Variants in SAMMSON observed in about 807,000 individuals in gnomAD.
SAMMSON encodes the protein survival associated mitochondrial melanoma specific oncogenic non-coding RNA.
chr3:70,113,763 C>T (rs2067399002), intron 4 of SAMMSON, among the ~76,000 whole-genome samples: 1 of 152,136 alleles, frequency 6.6e-6, no homozygotes, highest in Non-Finnish European at 1.5e-5. Flanking sequence ...GAGGTGGGAC[C>T]TTTGGGAAAT....
At chr3:70,366,588 A>G (rs891023181) in intron 9 of SAMMSON, among the ~76,000 whole-genome samples, 5 of 148,242 alleles carry the variant, frequency 3.4e-5, no homozygotes, top group Non-Finnish European at 7.5e-5. Flanking sequence ...TAATTCTCCA[A>G]TGAAGGACAT....
intron 4 of SAMMSON, among the ~76,000 whole-genome samples, chr3:70,135,168 G>GT (rs1559521031): frequency 1.3e-5 from 2 of 151,960 alleles, no homozygotes; most frequent in Non-Finnish European, 2.9e-5. Flanking sequence ...GGTCTTATTG[G>GT]TTTTTTCTCA....
At chr3:70,303,160 G>C (rs957965531) in intron 7 of SAMMSON, among the ~76,000 whole-genome samples, 1 of 152,204 alleles carries the variant, frequency 6.6e-6, no homozygotes, top group African/African-American at 2.4e-5. Flanking sequence ...GTGGAGAAGA[G>C]CATGGGTCAT....
At chr3:70,427,737 C>CA (rs34837077) in intron 2 of SAMMSON, among the ~76,000 whole-genome samples, 20,957 of 102,682 alleles carry the variant, frequency 0.2, 2,313 homozygotes, top group East Asian at 0.38. Context: ...AACTCCGTCT[C>CA]AAAAAAAAAA....
intron 9 of SAMMSON, among the ~76,000 whole-genome samples, chr3:70,384,642 G>A (rs887560623): frequency 2.6e-5 from 4 of 151,990 alleles, no homozygotes; most frequent in Middle Eastern, 3.2e-3. Context: ...CAGGGGCCCC[G>A]CAACATCTAT....
intron 3 of SAMMSON, among the ~76,000 whole-genome samples, chr3:70,060,527 C>G (rs1428855879): frequency 1.3e-5 from 2 of 152,130 alleles, no homozygotes; most frequent in Non-Finnish European, 2.9e-5. Context: ...GCAAACTTTT[C>G]TGCTATCTAT....
intron 6 of SAMMSON, among the ~76,000 whole-genome samples, chr3:70,266,769 T>C (rs1463196302): frequency 6.6e-6 from 1 of 152,134 alleles, no homozygotes; most frequent in Non-Finnish European, 1.5e-5. Flanking sequence ...TAAAATATAT[T>C]TCTATAGTAT....
intron 9 of SAMMSON, among the ~76,000 whole-genome samples, chr3:70,384,608 A>G (rs1475216112): frequency 6.6e-6 from 1 of 152,096 alleles, no homozygotes; most frequent in Non-Finnish European, 1.5e-5. Flanking sequence ...ATTGGCAAGT[A>G]GAAGCACTTG....
At chr3:70,000,252 G>T (rs1209582864) in intron 1 of SAMMSON, among the ~76,000 whole-genome samples, 1 of 152,154 alleles carries the variant, frequency 6.6e-6, no homozygotes, top group Non-Finnish European at 1.5e-5. Context: ...CCCACAGCCT[G>T]CCTGTCTGTA....
intron 4 of SAMMSON, among the ~76,000 whole-genome samples, chr3:70,239,759 T>G (rs1701648033): frequency 1.3e-5 from 2 of 152,154 alleles, no homozygotes; most frequent in Middle Eastern, 3.2e-3. Flanking sequence ...GGAGATCATA[T>G]CGCCCTATGT....
chr3:70,284,150 A>G (rs192324146), intron 6 of SAMMSON, among the ~76,000 whole-genome samples: 2 of 152,268 alleles, frequency 1.3e-5, no homozygotes, highest in Admixed American at 1.3e-4. Flanking sequence ...CATGAAAGCA[A>G]GAGTCACAGT....
chr3:70,149,388 C>T (rs200923563), intron 4 of SAMMSON, among the ~76,000 whole-genome samples: 1 of 152,032 alleles, frequency 6.6e-6, no homozygotes, highest in Non-Finnish European at 1.5e-5. Context: ...TTAGAACAGT[C>T]CCTAATCATG....
At chr3:70,109,898 T>C (rs1422843808) in intron 4 of SAMMSON, among the ~76,000 whole-genome samples, 1 of 152,242 alleles carries the variant, frequency 6.6e-6, no homozygotes, top group Admixed American at 6.5e-5. Context: ...GTTTAGCAAA[T>C]ATTTATTGTG....
chr3:70,006,044 C>A (rs1290548749), intron 1 of SAMMSON, among the ~76,000 whole-genome samples: 1 of 152,176 alleles, frequency 6.6e-6, no homozygotes, highest in Non-Finnish European at 1.5e-5. Flanking sequence ...GTTGACAGAG[C>A]TGATTTTATC....
At chr3:70,173,032 C>G (rs1397782697) in intron 4 of SAMMSON, 1 of 151,874 alleles carries the variant, frequency 6.6e-6, no homozygotes, top group Non-Finnish European at 1.5e-5. Flanking sequence ...TTCTTTCCTA[C>G]TGAGGATGTT....
At chr3:70,360,214 A>G (rs1193029999) in intron 9 of SAMMSON, among the ~76,000 whole-genome samples, 1 of 152,136 alleles carries the variant, frequency 6.6e-6, no homozygotes, top group African/African-American at 2.4e-5. Context: ...TCCCGCCACC[A>G]TTTTGTTTCA....
At chr3:70,155,662 C>CT (rs1323408836) in intron 4 of SAMMSON, among the ~76,000 whole-genome samples, 1 of 152,014 alleles carries the variant, frequency 6.6e-6, no homozygotes, top group African/African-American at 2.4e-5. Context: ...CTTTCTACCC[C>CT]TTTCTTTCAG....
chr3:70,106,740 C>T (rs1409691202), intron 4 of SAMMSON, among the ~76,000 whole-genome samples: 2 of 152,060 alleles, frequency 1.3e-5, no homozygotes, highest in Non-Finnish European at 2.9e-5. Flanking sequence ...AACTAAGGGG[C>T]GACTCTTAAA....
intron 4 of SAMMSON, among the ~76,000 whole-genome samples, chr3:70,123,897 G>A (rs1055630929): frequency 2.0e-5 from 3 of 152,236 alleles, no homozygotes; most frequent in Non-Finnish European, 4.4e-5. Context: ...ATGAAATGGA[G>A]CCAGCATGTG....
Sources: allele counts gnomAD v4.1 joint callset (sites outside exome capture counted in the v4.1 genomes callset), GRCh38; gene constraint gnomAD v4.1.1; transcripts MANE v1.5; gene names NCBI Gene and HGNC (gene_info 2026-07-23, HGNC 2026-07-21).